PPFIA2: variants seen among roughly 807,000 people sequenced by gnomAD.
The protein encoded by PPFIA2 is PPFI scaffold protein A2.
A neutral mutation model predicts 175.5 loss-of-function variants in PPFIA2; 46 were observed. The ratio of observed to expected loss-of-function variants is 0.26; its 90% CI spans 0.21 to 0.34. The LOEUF is 0.34. PPFIA2 is among the 10% of genes least tolerant of loss of function. The probability of loss-of-function intolerance (pLI) is 1.00; values close to 1 mark genes in which losing one functional copy is unlikely to be tolerated. For synonymous variants in PPFIA2, 568 were observed against 511.4 expected (o/e 1.11, Z -1.49); for missense variants, 1,179 against 1,506.1 (o/e 0.78, Z 3.60).
chr12:81,294,453 G>GGAAGGAAGGAAA (rs2045932290), intron 24 of PPFIA2: 1 of 170,968 alleles, frequency 5.8e-6, no homozygotes, highest in Non-Finnish European at 1.2e-5. Context: ...AAGGAAGGAA[G>GGAAGGAAGGAAA]GAAGGAAGGA....
intron 21 of PPFIA2, 31 bp downstream of exon 21, chr12:81,339,149 C>A: frequency 2.0e-6 from 3 of 1,485,016 alleles, no homozygotes; most frequent in Non-Finnish European, 2.7e-6. Context: ...AAATGAGTGG[C>A]AGTGGAAAGT....
intron 3 of PPFIA2, among the ~76,000 whole-genome samples, chr12:81,731,923 A>G (rs1351251181): frequency 1.3e-5 from 2 of 151,608 alleles, no homozygotes; most frequent in Non-Finnish European, 3.0e-5. Flanking sequence ...TAGTCACTAA[A>G]GAGTCAGCAG....
chr12:81,339,131 CATGACTAAA>C, intron 21 of PPFIA2, 40 bp downstream of exon 21: 1 of 1,433,762 alleles, frequency 7.0e-7, no homozygotes, highest in Non-Finnish European at 9.3e-7. Context: ...GATACTGTGA[CATGACTAAA>C]ATGAGTGGCA....
chr12:81,277,527 A>C (rs1047370061), intron 27 of PPFIA2, 113 bp from the exon 28 acceptor site: 8 of 1,074,410 alleles, frequency 7.4e-6, no homozygotes, highest in South Asian at 7.4e-5. Context: ...GCAACAAGTT[A>C]ATAAATTACA....
At chr12:81,434,473 T>C (rs2048636302) in intron 7 of PPFIA2, among the ~76,000 whole-genome samples, 1 of 152,094 alleles carries the variant, frequency 6.6e-6, no homozygotes, top group Non-Finnish European at 1.5e-5. Flanking sequence ...ACCTGAAATA[T>C]TGTAATTTTA....
intron 4 of PPFIA2, among the ~76,000 whole-genome samples, chr12:81,578,152 G>C (rs2073874863): frequency 6.6e-6 from 1 of 151,666 alleles, no homozygotes; most frequent in African/African-American, 2.4e-5. Context: ...CATGGTAGCT[G>C]GTTTGTGAGC....
chr12:81,445,866 G>T, intron 5 of PPFIA2, 146 bp from the exon 6 acceptor site: 2 of 654,218 alleles, frequency 3.1e-6, no homozygotes, highest in Non-Finnish European at 5.0e-6. Flanking sequence ...AAGAAGCACA[G>T]ACCTGTTTAA....
At chr12:81,664,326 C>T in intron 4 of PPFIA2, among the ~76,000 whole-genome samples, 1 of 152,026 alleles carries the variant, frequency 6.6e-6, no homozygotes, top group East Asian at 1.9e-4. Context: ...CTACAAAGAA[C>T]TCAAACAAAT....
intron 3 of PPFIA2, among the ~76,000 whole-genome samples, chr12:81,704,559 A>C (rs2076877575): frequency 6.6e-6 from 1 of 152,152 alleles, no homozygotes; most frequent in Non-Finnish European, 1.5e-5. Flanking sequence ...TCAAACACCC[A>C]AGGCCCTTCA....
chr12:81,609,171 TTA>T (rs2060637271), intron 4 of PPFIA2, among the ~76,000 whole-genome samples: 1 of 152,118 alleles, frequency 6.6e-6, no homozygotes, highest in African/African-American at 2.4e-5. Context: ...TTTTTTTAAT[TTA>T]TTGAGATTTC....
At chr12:81,309,704 T>A (rs1194929720) in intron 22 of PPFIA2, among the ~76,000 whole-genome samples, 3 of 152,100 alleles carry the variant, frequency 2.0e-5, no homozygotes, top group Non-Finnish European at 4.4e-5. Context: ...AATTCATTCA[T>A]ATTTAAACCG....
chr12:81,719,717 A>C (rs2400975), intron 3 of PPFIA2, among the ~76,000 whole-genome samples: 78,918 of 151,186 alleles, frequency 0.52, 21,728 homozygotes, highest in Middle Eastern at 0.7. Flanking sequence ...AAATTCAGTT[A>C]TTTCCTGAAA....
At chr12:81,572,619 T>G (rs2072758561) in intron 4 of PPFIA2, among the ~76,000 whole-genome samples, 1 of 152,012 alleles carries the variant, frequency 6.6e-6, no homozygotes, top group African/African-American at 2.4e-5. Context: ...GCTATTTGCT[T>G]TCTTTTGTGC....
At chr12:81,445,394 C>T (rs2051069127) in intron 6 of PPFIA2, among the ~76,000 whole-genome samples, 162 bp downstream of exon 6, 1 of 152,148 alleles carries the variant, frequency 6.6e-6, no homozygotes, top group Admixed American at 6.5e-5. Flanking sequence ...AACATCCACA[C>T]AGTAATCCAT....
chr12:81,730,901 CA>C (rs367916852), intron 3 of PPFIA2, among the ~76,000 whole-genome samples: 49 of 147,764 alleles, frequency 3.3e-4, no homozygotes, highest in South Asian at 6.4e-4. Flanking sequence ...CTTGTTATGA[CA>C]AAAAAAAAAC....
At chr12:81,660,459 G>T (rs527732216) in intron 4 of PPFIA2, among the ~76,000 whole-genome samples, 52 of 152,162 alleles carry the variant, frequency 3.4e-4, no homozygotes, top group South Asian at 3.3e-3. Flanking sequence ...GATGGAAGAT[G>T]AAATGAATGA....
chr12:81,333,001 A>G (rs1329621717), intron 21 of PPFIA2, among the ~76,000 whole-genome samples: 1 of 152,210 alleles, frequency 6.6e-6, no homozygotes, highest in Non-Finnish European at 1.5e-5. Context: ...GTTGCCAGAG[A>G]AAAGACTTAA....
At position 81,496,058 on chromosome 12, in the gene PPFIA2, G is replaced by C. The variant is rs180734325; in HGVS notation, c.304-38192C>G. On this transcript the variant is annotated intron_variant, in intron 4 of 32. Transcript: ENST00000549396. Reference sequence around the variant, plus strand: ...TTCACAGATGACAATGCAGTGTTTTGTTGTATTGTTTGGAGACCCAGGAGT... The same window carrying C: ...TTCACAGATGACAATGCAGTGTTTTCTTGTATTGTTTGGAGACCCAGGAGT... 2.4e-3 allele frequency among the ~76,000 whole-genome samples: 361 copies of C among 152,280 alleles called. 1 individual carries two copies. The highest frequency in any genetic ancestry group is 4.5e-3 in the Non-Finnish European group (305 of 68,010).
At chr12:81,440,295 G>A (rs1281034327) in intron 6 of PPFIA2, among the ~76,000 whole-genome samples, 1 of 152,086 alleles carries the variant, frequency 6.6e-6, no homozygotes, top group Admixed American at 6.6e-5. Context: ...GCTTCAGGTG[G>A]GGTTGGAGAT....
Sources: allele counts gnomAD v4.1 joint callset (sites outside exome capture counted in the v4.1 genomes callset), GRCh38; gene constraint gnomAD v4.1.1; transcripts MANE v1.5; gene names NCBI Gene and HGNC (gene_info 2026-07-23, HGNC 2026-07-21).